The following TMEM273 variants were observed in gnomAD, a reference collection of about 807,000 sequenced individuals.
The protein encoded by TMEM273 is chromosome 10 open reading frame 128.
TMEM273 carries 19 observed loss-of-function variants against 17.9 expected under a neutral mutation model. The observed-to-expected ratio is 1.06, with a 90% CI of 0.74 to 1.55. The LOEUF is 1.55. TMEM273 is among the 40% of genes most tolerant of loss of function. TMEM273 has a pLI of 0.00. For missense variants in TMEM273, 194 were observed against 155.6 expected (o/e 1.25, Z -1.31); for synonymous variants, 66 against 62.0 (o/e 1.07, Z -0.31).
intron 6 of TMEM273, among the ~76,000 whole-genome samples, chr10:49,157,454 C>T (rs1178303577): frequency 6.6e-6 from 1 of 152,128 alleles, no homozygotes; most frequent in Non-Finnish European, 1.5e-5. Context: ...GCTACTTAAC[C>T]CAAATCTTTG....
chr10:49,174,581 C>T (rs536334614), intron 1 of TMEM273, among the ~76,000 whole-genome samples: 16 of 152,216 alleles, frequency 1.1e-4, no homozygotes. Flanking sequence ...AGGACGTCTG[C>T]AGACCCCTCC....
intron 1 of TMEM273, among the ~76,000 whole-genome samples, chr10:49,176,179 G>T (rs1846953715): frequency 6.6e-6 from 1 of 152,210 alleles, no homozygotes; most frequent in Non-Finnish European, 1.5e-5. Context: ...GCAGGCAGCA[G>T]CTGCCCTTCC....
chr10:49,175,948 C>T (rs116027824), intron 1 of TMEM273, among the ~76,000 whole-genome samples: 5 of 152,166 alleles, frequency 3.3e-5, no homozygotes, highest in Admixed American at 6.5e-5. Context: ...ACTTGCCCCA[C>T]CTTTGAGCCT....
chr10:49,159,836 G>T (rs61848455), intron 6 of TMEM273, among the ~76,000 whole-genome samples: 10,479 of 152,242 alleles, frequency 0.069, 385 homozygotes, highest in Middle Eastern at 0.13. Flanking sequence ...GTTGTCAGAA[G>T]TCTAGCATGT....
At chr10:49,184,920 G>A (rs1241978733) in intron 1 of TMEM273, among the ~76,000 whole-genome samples, 13 of 152,164 alleles carry the variant, frequency 8.5e-5, no homozygotes, top group Admixed American at 8.5e-4. Flanking sequence ...TAGAGTAGTT[G>A]GGATGAATGC....
At chr10:49,173,668 T>C (rs1846738451) in intron 1 of TMEM273, among the ~76,000 whole-genome samples, 1 of 152,162 alleles carries the variant, frequency 6.6e-6, no homozygotes, top group African/African-American at 2.4e-5. Context: ...AGGAAGCTGT[T>C]TCTCCCAAGA....
chr10:49,157,796 C>T (rs1845603424), intron 6 of TMEM273, among the ~76,000 whole-genome samples: 1 of 152,194 alleles, frequency 6.6e-6, no homozygotes, highest in South Asian at 2.1e-4. Context: ...TGTATGCACA[C>T]TTTTTCCACT....
At chr10:49,157,625 G>A (rs562317440) in intron 6 of TMEM273, among the ~76,000 whole-genome samples, 1 of 152,088 alleles carries the variant, frequency 6.6e-6, no homozygotes, top group Admixed American at 6.5e-5. Flanking sequence ...AAAATCTTTG[G>A]CAAAATCCAA....
At chr10:49,186,760 A>G (rs1489039067) in intron 1 of TMEM273, among the ~76,000 whole-genome samples, 1 of 152,210 alleles carries the variant, frequency 6.6e-6, no homozygotes, top group African/African-American at 2.4e-5. Flanking sequence ...GTGTACCTCT[A>G]TCAATAGTAT....
At chr10:49,156,066 C>A (rs1432473936) in intron 6 of TMEM273, 157 bp from the exon 7 acceptor site, 3 of 1,548,130 alleles carry the variant, frequency 1.9e-6, no homozygotes, top group African/African-American at 2.7e-5. Flanking sequence ...TAGAAAGGAA[C>A]TGAAGGCCAG....
At chr10:49,161,788 G>A (rs545882700) in intron 5 of TMEM273, among the ~76,000 whole-genome samples, 166 bp from the exon 6 acceptor site, 3 of 152,206 alleles carry the variant, frequency 2.0e-5, no homozygotes, top group East Asian at 1.9e-4. Context: ...TTGGAAACTC[G>A]AATCCTGCTT....
chr10:49,170,152 G>A (rs1846462956), intron 1 of TMEM273, among the ~76,000 whole-genome samples: 1 of 152,250 alleles, frequency 6.6e-6, no homozygotes, highest in Admixed American at 6.5e-5. Flanking sequence ...GAAAGGGTGA[G>A]AAAGACATAG....
chr10:49,168,096 G>A, intron 1 of TMEM273, 134 bp from the exon 2 acceptor site: 1 of 1,020,176 alleles, frequency 9.8e-7, no homozygotes, highest in South Asian at 1.4e-5. Context: ...AATTGCCATG[G>A]AGTGTCTTGG....
chr10:49,185,754 G>A (rs1324667546), intron 1 of TMEM273, among the ~76,000 whole-genome samples: 1 of 151,964 alleles, frequency 6.6e-6, no homozygotes. Context: ...CGAGGTGGGC[G>A]GAACACCTGA....
intron 1 of TMEM273, among the ~76,000 whole-genome samples, chr10:49,174,301 C>A (rs2002332): frequency 0.35 from 52,744 of 152,100 alleles, 9,431 homozygotes; most frequent in South Asian, 0.56. Flanking sequence ...AGGCACTCCA[C>A]GGGGCTGTTT....
chr10:49,165,744 A>AC, intron 4 of TMEM273, 22 bp downstream of exon 4: 1 of 1,614,080 alleles, frequency 6.2e-7, no homozygotes, highest in South Asian at 1.1e-5. Context: ...CCTCTCCCTG[A>AC]CTGTGTGGGC....
At chr10:49,161,248 T>C (rs1590184987) in intron 6 of TMEM273, 1 of 293,092 alleles carries the variant, frequency 3.4e-6, no homozygotes, top group Non-Finnish European at 6.4e-6. Context: ...TGTTTGGGAA[T>C]TTTTTTCATC....
At chr10:49,163,597 A>C (rs1318907919) in intron 5 of TMEM273, among the ~76,000 whole-genome samples, 3 of 152,126 alleles carry the variant, frequency 2.0e-5, no homozygotes, top group African/African-American at 7.2e-5. Context: ...TCACTCTCAC[A>C]AAGTGCTGTC....
chr10:49,166,425 C>T (rs1348614000), intron 3 of TMEM273: 10 of 230,176 alleles, frequency 4.3e-5, no homozygotes, highest in East Asian at 1.2e-4. Flanking sequence ...TCCCACCATC[C>T]GCCCACACTT....
Sources: gnomAD v4.1 joint callset for allele counts (sites outside exome capture counted in the v4.1 genomes callset) on GRCh38, gnomAD v4.1.1 for gene constraint, MANE v1.5 for transcripts, NCBI Gene and HGNC (gene_info 2026-07-23, HGNC 2026-07-21) for gene names.